Variants in NRG1 observed in about 807,000 individuals in gnomAD.
NRG1 encodes the protein neuregulin 1.
NRG1 carries 18 observed loss-of-function variants against 63.8 expected under a neutral mutation model. That is an observed-to-expected ratio of 0.28 (90% CI 0.19 to 0.42). NRG1 has a LOEUF of 0.42. NRG1 is among the 10% of genes least tolerant of loss of function. NRG1 has a pLI of 1.00. For missense variants in NRG1, 762 were observed against 814.7 expected (o/e 0.94, Z 0.79); for synonymous variants, 302 against 301.3 (o/e 1.00, Z -0.02).
intron 1 of NRG1, among the ~76,000 whole-genome samples, chr8:31,777,310 T>C (rs908964404): frequency 6.6e-6 from 1 of 152,206 alleles, no homozygotes; most frequent in African/African-American, 2.4e-5. Context: ...CATCTATTAA[T>C]TTGTTTAGTC....
chr8:32,090,295 A>G (rs1320826709), intron 1 of NRG1, among the ~76,000 whole-genome samples: 1 of 152,230 alleles, frequency 6.6e-6, no homozygotes, highest in African/African-American at 2.4e-5. Context: ...TGATAAATTT[A>G]CATCTAGCTG....
At chr8:31,940,465 A>G (rs1585925589) in intron 1 of NRG1, among the ~76,000 whole-genome samples, 1 of 152,216 alleles carries the variant, frequency 6.6e-6, no homozygotes, top group East Asian at 1.9e-4. Context: ...GAGCACAAAT[A>G]GACAATCTAA....
intron 1 of NRG1, among the ~76,000 whole-genome samples, chr8:32,413,799 G>C (rs1415077357): frequency 6.6e-6 from 1 of 152,094 alleles, no homozygotes; most frequent in Non-Finnish European, 1.5e-5. Context: ...GGCTCAACAT[G>C]ATTTCTTATT....
At chr8:32,063,964 A>C in intron 1 of NRG1, among the ~76,000 whole-genome samples, 1 of 152,074 alleles carries the variant, frequency 6.6e-6, no homozygotes, top group Admixed American at 6.6e-5. Context: ...GGCAGGGAGA[A>C]TGTGGACCTG....
At chr8:32,305,835 T>C (rs1040820693) in intron 1 of NRG1, among the ~76,000 whole-genome samples, 1 of 152,216 alleles carries the variant, frequency 6.6e-6, no homozygotes, top group Non-Finnish European at 1.5e-5. Context: ...TTCAAGTTCT[T>C]GCATTGCCAG....
At position 31,798,355 on chromosome 8, in the gene NRG1, A is replaced by G. The variant is rs80332096; in HGVS notation, c.37+158924A>G. 1.6e-3 allele frequency among the ~76,000 whole-genome samples: 238 copies of G among 152,334 alleles called. 4 individuals carry two copies. In the East Asian group the frequency reaches 0.042, roughly 27 times the overall value. On this transcript the variant is annotated intron_variant, in intron 1 of 10. Transcript: ENST00000519301. Reference sequence around the variant, plus strand: ...TATGAATAATTATCATGTGTCAACTAAAAATAAGAGGGAAAAGTTTCAAAA... The same window carrying G: ...TATGAATAATTATCATGTGTCAACTGAAAATAAGAGGGAAAAGTTTCAAAA...
At chr8:32,371,621 G>A (rs1311300053) in intron 1 of NRG1, among the ~76,000 whole-genome samples, 5 of 152,174 alleles carry the variant, frequency 3.3e-5, no homozygotes, top group African/African-American at 7.2e-5. Context: ...AGAATTGGGA[G>A]AAACTTTGAG....
chr8:32,299,043 A>AG (rs1254032627), intron 1 of NRG1, among the ~76,000 whole-genome samples: 61 of 151,200 alleles, frequency 4.0e-4, no homozygotes, highest in African/African-American at 1.4e-3. Flanking sequence ...AAAAAAAAAA[A>AG]AAAAAGAAAG....
intron 1 of NRG1, among the ~76,000 whole-genome samples, chr8:32,056,595 CAT>C (rs1822987079): frequency 6.6e-6 from 1 of 152,138 alleles, no homozygotes; most frequent in South Asian, 2.1e-4. Context: ...GCCAATCAAA[CAT>C]GTATAGTTTA....
At chr8:32,737,468 T>C (rs983680398) in intron 6 of NRG1, among the ~76,000 whole-genome samples, 1 of 151,946 alleles carries the variant, frequency 6.6e-6, no homozygotes, top group African/African-American at 2.4e-5. Flanking sequence ...GGAGAATTGC[T>C]TGAATCTGGG....
chr8:31,843,235 A>C (rs1295102049), intron 1 of NRG1, among the ~76,000 whole-genome samples: 1 of 152,184 alleles, frequency 6.6e-6, no homozygotes, highest in East Asian at 1.9e-4. Context: ...CAGAAGTAGC[A>C]GTTTTATAAA....
intron 1 of NRG1, among the ~76,000 whole-genome samples, chr8:31,959,774 C>T (rs1247603863): frequency 1.3e-5 from 2 of 148,772 alleles, no homozygotes; most frequent in Non-Finnish European, 3.0e-5. Context: ...CCCAAGCAAC[C>T]ACCGATTATT....
intron 1 of NRG1, among the ~76,000 whole-genome samples, chr8:32,298,338 A>G (rs1172837649): frequency 2.0e-5 from 3 of 152,186 alleles, no homozygotes; most frequent in Non-Finnish European, 2.9e-5. Flanking sequence ...ACTCAGAGGG[A>G]GTATGTTTAT....
intron 1 of NRG1, among the ~76,000 whole-genome samples, chr8:31,856,321 C>T (rs1386903151): frequency 1.3e-5 from 2 of 152,046 alleles, no homozygotes; most frequent in South Asian, 4.2e-4. Context: ...TCTTTTTATT[C>T]TTTTTTCTCT....
intron 5 of NRG1, among the ~76,000 whole-genome samples, chr8:32,640,671 T>G (rs996216445): frequency 6.7e-6 from 1 of 148,630 alleles, no homozygotes; most frequent in Admixed American, 6.7e-5. Flanking sequence ...CAGAAACTAG[T>G]AAATGGATAT....
chr8:32,139,709 A>G (rs1178002356), intron 1 of NRG1, among the ~76,000 whole-genome samples: 1 of 152,150 alleles, frequency 6.6e-6, no homozygotes, highest in African/African-American at 2.4e-5. Context: ...AGCCACCACT[A>G]AAGGACTTAC....
At chr8:31,648,592 C>T (rs1804536862) in intron 1 of NRG1, among the ~76,000 whole-genome samples, 1 of 152,182 alleles carries the variant, frequency 6.6e-6, no homozygotes, top group Non-Finnish European at 1.5e-5. Context: ...CACTGACAAA[C>T]ACTATTCTAC....
exon 9 of NRG1, chr8:32,756,498 A>T (rs1589618374): frequency 3.1e-6 from 5 of 1,612,336 alleles, no homozygotes; most frequent in Non-Finnish European, 4.2e-6. Flanking sequence ...CACCATCCTA[A>T]CCCACCCCCC....
At chr8:32,717,642 G>A (rs957095060) in intron 5 of NRG1, among the ~76,000 whole-genome samples, 1 of 152,136 alleles carries the variant, frequency 6.6e-6, no homozygotes, top group Non-Finnish European at 1.5e-5. Flanking sequence ...TGTGTTTGTG[G>A]AAACATAAAC....
Sources: allele counts gnomAD v4.1 joint callset (sites outside exome capture counted in the v4.1 genomes callset), GRCh38; gene constraint gnomAD v4.1.1; transcripts MANE v1.5; gene names NCBI Gene and HGNC (gene_info 2026-07-23, HGNC 2026-07-21).